Variants in RBFOX1 observed in about 807,000 individuals in gnomAD.
RBFOX1 encodes the protein RNA binding fox-1 homolog 1.
A neutral mutation model predicts 57.7 loss-of-function variants in RBFOX1; 8 were observed. The ratio of observed to expected loss-of-function variants is 0.14; its 90% confidence interval spans 0.08 to 0.25. RBFOX1 has a LOEUF of 0.25. Among genes scored for constraint, RBFOX1 ranks in the 10% least tolerant of loss-of-function variants. The pLI, the probability that RBFOX1 is intolerant of heterozygous loss-of-function variation, is 1.00. For synonymous variants in RBFOX1, 326 were observed against 222.4 expected, an observed-to-expected ratio of 1.47 and a Z score of -4.15; for missense variants, 611 against 548.5, an observed-to-expected ratio of 1.11 and a Z score of -1.14.
chr16:7,438,099 G>A (rs1290951414), intron 4 of RBFOX1, among the ~76,000 whole-genome samples: 3 of 152,130 alleles, frequency 2.0e-5, no homozygotes, highest in Non-Finnish European at 4.4e-5. Flanking sequence ...ATGCTTGTCT[G>A]ACATCAGCTA....
At chr16:6,434,756 G>C (rs1027167315) in intron 2 of RBFOX1, among the ~76,000 whole-genome samples, 1 of 152,114 alleles carries the variant, frequency 6.6e-6, no homozygotes, top group Admixed American at 6.5e-5. Flanking sequence ...CCTATAATCT[G>C]TTTATAAGTA....
chr16:5,717,125 A>G (rs1186164499), intron 3 of RBFOX1, among the ~76,000 whole-genome samples: 1 of 152,170 alleles, frequency 6.6e-6, no homozygotes, highest in African/African-American at 2.4e-5. Context: ...GGTCTGGTAG[A>G]AAGAGCTTAA....
At chr16:5,556,254 C>G (rs1416634803) in intron 2 of RBFOX1, among the ~76,000 whole-genome samples, 1 of 152,140 alleles carries the variant, frequency 6.6e-6, no homozygotes, top group South Asian at 2.1e-4. Flanking sequence ...AAGGCTAATT[C>G]CAAGCTTGCC....
intron 3 of RBFOX1, among the ~76,000 whole-genome samples, chr16:6,745,795 A>C (rs7190965): frequency 0.055 from 8,370 of 152,276 alleles, 363 homozygotes; most frequent in South Asian, 0.21. Context: ...GATAATGAGC[A>C]AGAAAAGGAG....
Position 5,564,116 on chromosome 16 carries a change from C to T in RBFOX1, c.259-34786C>T, listed in dbSNP as rs552069201. 1.6e-3 allele frequency among the ~76,000 whole-genome samples: 237 copies of T among 152,186 alleles called. 1 individual carries two copies. Among genetic ancestry groups the T allele is most frequent in the African/African-American group, 4.3e-3 (179 of 41,548 alleles). The stretch of plus-strand genomic sequence containing the variant: ...TCAACCTCCACCTCCCAGGTTCAAG[C>T]GATTCTCCTGCCTCAGCATCCAGAT... On this transcript the variant is annotated intron_variant, in intron 2 of 2. Transcript: ENST00000585867.
chr16:6,018,478 C>T (rs113147932), upstream of RBFOX1, among the ~76,000 whole-genome samples: 19 of 152,272 alleles, frequency 1.2e-4, no homozygotes, highest in African/African-American at 4.6e-4. Flanking sequence ...GCTAGGAGGA[C>T]AATCCCTAGA....
At chr16:7,624,099 C>CTT (rs1318418098) in intron 10 of RBFOX1, among the ~76,000 whole-genome samples, 3 of 152,136 alleles carry the variant, frequency 2.0e-5, no homozygotes, top group Non-Finnish European at 4.4e-5. Context: ...TGGTAAAGGA[C>CTT]TTAGTTGTTC....
chr16:7,226,397 A>G (rs756379111), intron 4 of RBFOX1, among the ~76,000 whole-genome samples: 1 of 152,090 alleles, frequency 6.6e-6, no homozygotes, highest in Non-Finnish European at 1.5e-5. Flanking sequence ...TAAGGGACTA[A>G]TGTCCACTAC....
intron 1 of RBFOX1, among the ~76,000 whole-genome samples, chr16:6,104,370 C>T (rs2096352553): frequency 6.6e-6 from 1 of 152,096 alleles, no homozygotes; most frequent in African/African-American, 2.4e-5. Context: ...TTCCAAGAGT[C>T]AAGTGACACT....
chr16:7,113,903 G>A (rs565704159), intron 4 of RBFOX1, among the ~76,000 whole-genome samples: 2 of 152,012 alleles, frequency 1.3e-5, no homozygotes, highest in African/African-American at 4.8e-5. Context: ...GTGTGCATGG[G>A]TGATTTCTTT....
chr16:6,735,227 G>T (rs1240724489), intron 3 of RBFOX1, among the ~76,000 whole-genome samples: 3 of 152,132 alleles, frequency 2.0e-5, no homozygotes, highest in Non-Finnish European at 4.4e-5. Flanking sequence ...AGATGCACAT[G>T]ATTTAATAGA....
chr16:6,013,885 T>G (rs929628283), intron 4 of RBFOX1, among the ~76,000 whole-genome samples: 1 of 150,716 alleles, frequency 6.6e-6, no homozygotes, highest in Non-Finnish European at 1.5e-5. Context: ...CACCGCATGT[T>G]TTCACTCACA....
intron 1 of RBFOX1, among the ~76,000 whole-genome samples, chr16:6,243,070 T>C (rs1044691607): frequency 1.3e-5 from 2 of 152,132 alleles, no homozygotes; most frequent in African/African-American, 4.8e-5. Flanking sequence ...AGGTAAATAT[T>C]CCCACTCATG....
At chr16:6,835,138 T>G (rs937904748) in intron 3 of RBFOX1, among the ~76,000 whole-genome samples, 1 of 152,080 alleles carries the variant, frequency 6.6e-6, no homozygotes, top group African/African-American at 2.4e-5. Flanking sequence ...CCTGACCCTG[T>G]GATCTGCCCA....
At chr16:5,926,427 G>A (rs999223366) in intron 4 of RBFOX1, among the ~76,000 whole-genome samples, 5 of 152,066 alleles carry the variant, frequency 3.3e-5, no homozygotes, top group Admixed American at 1.3e-4. Context: ...TGACTGGGGG[G>A]TGCTTTTGGA....
chr16:5,263,832 G>A (rs2062795211), intron 1 of RBFOX1, among the ~76,000 whole-genome samples: 1 of 152,306 alleles, frequency 6.6e-6, no homozygotes, highest in Non-Finnish European at 1.5e-5. Flanking sequence ...AGCAAATATG[G>A]TTTGGAATTT....
chr16:5,999,768 G>A (rs2060556199), intron 4 of RBFOX1, among the ~76,000 whole-genome samples: 1 of 150,150 alleles, frequency 6.7e-6, no homozygotes, highest in Non-Finnish European at 1.5e-5. Flanking sequence ...GGCTGAGGCA[G>A]GAGAATGGCG....
At chr16:7,341,153 C>T (rs2096883163) in intron 4 of RBFOX1, among the ~76,000 whole-genome samples, 1 of 152,112 alleles carries the variant, frequency 6.6e-6, no homozygotes, top group Admixed American at 6.5e-5. Context: ...AGACCTCTCA[C>T]ACACACATCC....
intron 3 of RBFOX1, among the ~76,000 whole-genome samples, chr16:5,812,664 G>C (rs560996815): frequency 2.1e-4 from 32 of 152,002 alleles, no homozygotes; most frequent in African/African-American, 7.5e-4. Context: ...CTCTCCCTCT[G>C]TTGCCTACGT....
Sources: gnomAD v4.1 joint callset for allele counts (sites outside exome capture counted in the v4.1 genomes callset) on GRCh38, gnomAD v4.1.1 for gene constraint, MANE v1.5 for transcripts, NCBI Gene and HGNC (gene_info 2026-07-23, HGNC 2026-07-21) for gene names.